The following DNAH5 variants were observed in gnomAD, a reference collection of about 807,000 sequenced individuals.
DNAH5 encodes the protein axonemal beta dynein heavy chain 5.
In DNAH5, 372 loss-of-function variants were observed where a neutral mutation model predicts 518.2. The ratio of observed to expected loss-of-function variants is 0.72; its 90% CI spans 0.66 to 0.78. DNAH5 has a LOEUF of 0.78. Ranked by LOEUF, DNAH5 falls within the 30% of genes least tolerant of loss-of-function variation. DNAH5 has a pLI of 0.00. For synonymous variants in DNAH5, 2,039 were observed against 2,025.9 expected, an observed-to-expected ratio of 1.01 and a Z score of -0.17; for missense variants, 5,523 against 5,687.0, an observed-to-expected ratio of 0.97 and a Z score of 0.93.
chr5:13,842,445 A>AGAGAGAGAGAGAGAGAGAGAG (rs1561407436), intron 32 of DNAH5, among the ~76,000 whole-genome samples: 9 of 97,868 alleles, frequency 9.2e-5, no homozygotes, highest in African/African-American at 4.2e-4. Flanking sequence ...GAAAGAAAGA[A>AGAGAGAGAGAGAGAGAGAGAG]AGAAAGAAAG....
At position 13,809,178 on chromosome 5, in the gene DNAH5, T is replaced by C; in HGVS notation, c.7618A>G (p.Thr2540Ala). The change falls in exon 46 of 79, where the codon ACG becomes GCG. Residue 2540 changes from threonine to alanine, a missense_variant. Thr to Ala is a moderately conservative substitution (Grantham distance 58). Around this residue, in one of 3 missense-constraint regions of DNAH5, gnomAD observed 5,121 missense variants for 5,223.3 expected, o/e 0.98. Transcript: ENST00000265104. ...TCCTGGGTACGCGTGTTCCAGTGCG[T>C]CCATGTACCTAAGGTGAGCAGAGGA... ...DYYVAPDGTW[T>A]HWNTRTQEYL... is the part of the protein sequence containing the mutation. 1.2e-6 allele frequency: 2 copies of C among 1,614,084 alleles called. No homozygotes were observed. The highest frequency in any genetic ancestry group is 2.2e-5 in the East Asian group (1 of 44,882).
At chr5:13,969,509 G>T (rs1262105447) in intron 1 of DNAH5, among the ~76,000 whole-genome samples, 1 of 151,782 alleles carries the variant, frequency 6.6e-6, no homozygotes, top group Admixed American at 6.6e-5. Context: ...GTTTTGTCAC[G>T]ATTATCTTTC....
intron 1 of DNAH5, among the ~76,000 whole-genome samples, chr5:13,972,393 A>T (rs907212589): frequency 6.6e-6 from 1 of 152,162 alleles, no homozygotes; most frequent in Non-Finnish European, 1.5e-5. Flanking sequence ...ACAAAGTTCA[A>T]TTGGAAGTTT....
rs754169445 is a variant in DNAH5 at position 13,830,620 on chromosome 5, C to T, written c.6038G>A (p.Arg2013Gln). 7 of 1,614,208 alleles carry T rather than the reference C, an allele frequency of 4.3e-6. No individual in the cohort carries two copies. The highest frequency in any genetic ancestry group is 2.7e-5 in the African/African-American group (2 of 75,056). The change falls in exon 36 of 79, where the codon CGA becomes CAA. Residue 2013 changes from arginine to glutamine, a missense_variant. This residue lies in a region of DNAH5 where 5,121 missense variants were observed against 5,223.3 expected (regional missense o/e 0.98). Transcript: ENST00000265104. The part of the protein sequence containing the change: ...VFNCSDQMDF[R>Q]GLGRIFKGLA... ...ACCCTTAAAAATCCGTCCAAGTCCT[C>T]GGAAATCCATCTGGTCTGAACAATT...
At chr5:13,842,425 A>AGAGAGAGAGAGAGAGAG (rs760062438) in intron 32 of DNAH5, among the ~76,000 whole-genome samples, 1 of 38,096 alleles carries the variant, frequency 2.6e-5, no homozygotes, top group African/African-American at 1.1e-4. Flanking sequence ...AAGAAAAGAA[A>AGAGAGAGAGAGAGAGAG]AGAAAGAAAG....
At chr5:13,937,528 T>C (rs10058736) in intron 1 of DNAH5, among the ~76,000 whole-genome samples, 59,472 of 151,106 alleles carry the variant, frequency 0.39, 13,070 homozygotes, top group East Asian at 0.7. Context: ...CAGTAGGTGA[T>C]GCTCCAGATT....
intron 60 of DNAH5, among the ~76,000 whole-genome samples, chr5:13,761,408 A>G (rs983126484): frequency 1.5e-4 from 23 of 152,158 alleles, no homozygotes; most frequent in African/African-American, 5.6e-4. Context: ...CCTGGCTAAC[A>G]TGGTGAAACC....
chr5:13,873,860 A>G (rs1770495701), intron 22 of DNAH5, among the ~76,000 whole-genome samples: 1 of 152,144 alleles, frequency 6.6e-6, no homozygotes, highest in South Asian at 2.1e-4. Context: ...ACTGCCTTAT[A>G]TTATGATTTC....
At chr5:13,823,572 G>C (rs957130632) in intron 39 of DNAH5, among the ~76,000 whole-genome samples, 1 of 152,064 alleles carries the variant, frequency 6.6e-6, no homozygotes, top group African/African-American at 2.4e-5. Context: ...GAAAAGAACA[G>C]GGAGAAAGGA....
chr5:13,935,438 T>C (rs1778833447), intron 1 of DNAH5, among the ~76,000 whole-genome samples: 1 of 152,198 alleles, frequency 6.6e-6, no homozygotes, highest in Non-Finnish European at 1.5e-5. Flanking sequence ...TATTGACATA[T>C]TTTTAAGTAA....
intron 49 of DNAH5, among the ~76,000 whole-genome samples, chr5:13,793,242 A>C (rs1757279954): frequency 6.6e-6 from 1 of 152,222 alleles, no homozygotes; most frequent in African/African-American, 2.4e-5. Context: ...TTTCATTTCC[A>C]TGTTCATTTA....
Position 13,768,960 on chromosome 5 carries a change from C to T in DNAH5, c.9897G>A (p.Gln3299=). The T allele has an allele frequency of 6.2e-7, 1 of 1,614,100 alleles. No individual in the cohort carries two copies. The highest frequency in any genetic ancestry group is 8.5e-7 in the Non-Finnish European group (1 of 1,179,970). The stretch of plus-strand genomic sequence containing the variant: ...CATCTGTTATATCACATAGATGCAC[C>T]TGCAATGCAGCTTCTGCCTCTTCTA... The part of the protein sequence containing the change: ...PALEEAEAAL[Q]TIRPSDIATV... Residue 3299 remains glutamine (Q), a splice_region_variant and synonymous_variant, in exon 58 of 79, where the codon CAG becomes CAA. Transcript: ENST00000265104.
chr5:13,938,754 G>T (rs779419984), intron 1 of DNAH5, among the ~76,000 whole-genome samples: 56 of 151,962 alleles, frequency 3.7e-4, no homozygotes, highest in Non-Finnish European at 6.6e-4. Context: ...TTTCCCTTTG[G>T]CTGTCAATGT....
chr5:13,950,042 G>C (rs932386251), intron 1 of DNAH5, among the ~76,000 whole-genome samples: 4 of 152,118 alleles, frequency 2.6e-5, no homozygotes, highest in Non-Finnish European at 5.9e-5. Flanking sequence ...CAGATCCCAA[G>C]CATACTGCAT....
chr5:13,786,445 C>A, intron 51 of DNAH5, 94 bp from the exon 52 acceptor site: 3 of 1,232,738 alleles, frequency 2.4e-6, no homozygotes, highest in Non-Finnish European at 3.5e-6. Context: ...CAACCTAACA[C>A]TGAATAACAT....
Position 13,719,043 on chromosome 5 carries a change from A to G in DNAH5, c.12338T>C (p.Met4113Thr). 1 of 1,614,174 alleles carries G rather than the reference A, an allele frequency of 6.2e-7. No individual in the cohort carries two copies. Among genetic ancestry groups the G allele is most frequent in the Non-Finnish European group, 8.5e-7 (1 of 1,180,010 alleles). The part of the protein sequence containing the change: ...HLGLDFMDEL[M>T]DIIIETELVH... ...AAGCTCAGTTTCTATGATTATGTCC[A>G]TCAGCTCATCCATGAAATCAAGTCC... The change falls in exon 72 of 79, where the codon ATG becomes ACG. Residue 4113 changes from methionine to threonine, a missense_variant. By Grantham distance (81) the Met-to-Thr change is moderately conservative. Transcript: ENST00000265104.
At chr5:13,977,412 T>C (rs1782336756) in intron 1 of DNAH5, among the ~76,000 whole-genome samples, 1 of 152,138 alleles carries the variant, frequency 6.6e-6, no homozygotes, top group South Asian at 2.1e-4. Flanking sequence ...CACATTACCA[T>C]AGACCGAAAG....
At position 13,850,803 on chromosome 5, in the gene DNAH5, AC is replaced by A; in HGVS notation, c.4962del (p.Ser1656LeufsTer3). 6.2e-7 allele frequency: 1 copy of A among 1,614,158 alleles called. No homozygotes were observed. On this transcript the variant is annotated frameshift_variant, in exon 31 of 79. Coordinates refer to ENST00000265104, the MANE Select transcript of DNAH5 (RefSeq NM_001369.3). LOFTEE classifies it high-confidence loss of function. ...ACCCAAGATTTATCTATGTTAGAAA[AC>A]CGCTTGGCTTCCTATGAGAACAAGG... Reference protein sequence around the residue: ...IAKQLPKEAKRFSNIDKSWVK... With the variant: ...IAKQLPKEAKXFSNIDKSWVK...
intron 31 of DNAH5, among the ~76,000 whole-genome samples, chr5:13,848,297 G>A (rs563816550): frequency 3.3e-5 from 5 of 152,276 alleles, no homozygotes; most frequent in Non-Finnish European, 2.9e-5. Flanking sequence ...CTTTACTGAC[G>A]TTGGCGTTGG....
Sources: allele counts gnomAD v4.1 joint callset (sites outside exome capture counted in the v4.1 genomes callset), GRCh38; gene constraint gnomAD v4.1.1; regional missense constraint gnomAD v4.1.1; transcripts MANE v1.5; gene names NCBI Gene and HGNC (gene_info 2026-07-23, HGNC 2026-07-21).